The following NSD2 variants were observed in gnomAD, a reference collection of about 807,000 sequenced individuals.
NSD2 encodes the protein nuclear receptor binding SET domain protein 2.
NSD2 carries 12 observed loss-of-function variants against 139.0 expected under a neutral mutation model. That is an observed-to-expected ratio of 0.09 (90% CI 0.06 to 0.14). NSD2 has a LOEUF of 0.14. Among genes scored for constraint, NSD2 ranks in the 10% least tolerant of loss-of-function variants. The pLI, the probability that NSD2 is intolerant of heterozygous loss-of-function variation, is 1.00. For synonymous variants in NSD2, 669 were observed against 648.7 expected (o/e 1.03, Z -0.48); for missense variants, 1,155 against 1,745.0 (o/e 0.66, Z 6.02).
intron 3 of NSD2, among the ~76,000 whole-genome samples, chr4:1,906,792 C>T (rs1717974999): frequency 6.6e-6 from 1 of 151,288 alleles, no homozygotes; most frequent in Non-Finnish European, 1.5e-5. Flanking sequence ...TCCTGAGTAG[C>T]TGGGATTATA....
intron 1 of NSD2, among the ~76,000 whole-genome samples, chr4:1,893,094 T>C (rs149121499): frequency 1.4e-3 from 212 of 152,324 alleles, no homozygotes; most frequent in African/African-American, 4.7e-3. Context: ...ATCCCCAGGT[T>C]TGACATCTCT....
Position 1,975,297 on chromosome 4 carries a change from C to T in NSD2, c.3518C>T (p.Thr1173Met), listed in dbSNP as rs201530243. The T allele has an allele frequency of 4.9e-5, 79 of 1,613,976 alleles. No homozygotes were observed. The highest frequency in any genetic ancestry group is 6.0e-5 in the Non-Finnish European group (71 of 1,180,010). Residue 1173 changes from threonine to methionine, a missense_variant, in exon 20 of 22, where the codon ACG becomes ATG. By Grantham distance (81) the Thr-to-Met change is moderately conservative. Transcript: ENST00000508803. ...LFAVCDIPAG[T>M]ELTFNYNLDC... ...TGTCTGTCTCCTCTTCTCCCAGGGA[C>T]GGAGCTGACTTTTAACTACAACCTC...
rs1724739345 is a variant in NSD2, at chr4:1,955,650, T to C, written c.2519-43T>C. On this transcript the variant is annotated intron_variant, in intron 13 of 21. Transcript: ENST00000508803. The surrounding 1 kb of genome is among the most constrained non-coding windows in gnomAD (Gnocchi z 4.7). Reference sequence around the variant, plus strand: ...GAAGCACTGAATCTGGGCTGAGCCATAGCAGACAGGCTAAGCCTGGCCGCC... The same window carrying C: ...GAAGCACTGAATCTGGGCTGAGCCACAGCAGACAGGCTAAGCCTGGCCGCC... 1 of 1,577,094 alleles carries C rather than the reference T, an allele frequency of 6.3e-7. No homozygotes were observed.
intron 6 of NSD2, among the ~76,000 whole-genome samples, chr4:1,934,906 TATAAAA>T (rs1722198544): frequency 1.0e-5 from 1 of 98,986 alleles, no homozygotes; most frequent in African/African-American, 3.9e-5. Context: ...TATATATATA[TATAAAA>T]AACAGATAAA....
intron 9 of NSD2, chr4:1,944,280 A>G (rs1723396421): frequency 1.9e-6 from 2 of 1,066,200 alleles, no homozygotes; most frequent in African/African-American, 3.3e-5. Context: ...AGGTGGGTGG[A>G]AACGGCTCTT....
chr4:1,918,709 T>C, intron 5 of NSD2, 86 bp downstream of exon 5: 1 of 1,526,264 alleles, frequency 6.6e-7, no homozygotes, highest in Non-Finnish European at 8.8e-7. Flanking sequence ...TTCTCAGCAT[T>C]ATCAGGAGAC....
chr4:1,977,409 A>T (rs1467273923), intron 21 of NSD2, among the ~76,000 whole-genome samples: 1 of 152,228 alleles, frequency 6.6e-6, no homozygotes, highest in African/African-American at 2.4e-5. Flanking sequence ...ACAATCTTGC[A>T]GTGTGTCGCC....
At chr4:1,888,349 G>A (rs1715271389) in intron 1 of NSD2, among the ~76,000 whole-genome samples, 1 of 147,682 alleles carries the variant, frequency 6.8e-6, no homozygotes, top group African/African-American at 2.5e-5. Flanking sequence ...GGAGGCAGAG[G>A]TTGCAGTGAG....
chr4:1,914,446 C>T (rs142545380), intron 3 of NSD2, among the ~76,000 whole-genome samples: 20 of 152,262 alleles, frequency 1.3e-4, no homozygotes, highest in African/African-American at 4.3e-4. Context: ...CCGCCTCAGC[C>T]TCCTGAGTAG....
intron 5 of NSD2, among the ~76,000 whole-genome samples, chr4:1,925,780 TTG>T (rs1560666229): frequency 0.014 from 1,957 of 144,056 alleles, 49 homozygotes; most frequent in African/African-American, 0.052. Flanking sequence ...ATATTTTTTT[TTG>T]TTTGTTTGTT....
rs866116930 is a variant in NSD2, at chr4:1,888,901, A to T, written c.-29-11725A>T. Among the ~76,000 whole-genome samples, 676 of 118,912 alleles carry T rather than the reference A, an allele frequency of 5.7e-3. 2 individuals carry two copies. Among genetic ancestry groups the T allele is most frequent in the Middle Eastern group, 0.014 (2 of 144 alleles). The allele number at this position is 118,912 out of a possible 152,430, so 78.0% of individuals were successfully genotyped here. On this transcript the variant is annotated intron_variant, in intron 1 of 21. Coordinates refer to ENST00000508803, the MANE Select transcript of NSD2 (RefSeq NM_001042424.3). ...TTTTGAGCTTCCCATGTATATTAGT[A>T]TTTTTTTTTTTTTTTTGAGACAGTC...
Position 1,881,331 on chromosome 4 carries a change from C to T in NSD2, c.-30+9789C>T, listed in dbSNP as rs190598099. On this transcript the variant is annotated intron_variant, in intron 1 of 21. Coordinates refer to ENST00000508803, the MANE Select transcript of NSD2 (RefSeq NM_001042424.3). Reference sequence around the variant, plus strand: ...AGGCTGGAGTGCAGTGGCGCGATCTCGGCTCACTGCAACCTCCGCCTCCTG... The same window carrying T: ...AGGCTGGAGTGCAGTGGCGCGATCTTGGCTCACTGCAACCTCCGCCTCCTG... Among the ~76,000 whole-genome samples, 10 of 152,248 alleles carry T rather than the reference C, an allele frequency of 6.6e-5. No homozygotes were observed. In the East Asian group the frequency reaches 1.2e-3, roughly 18 times the overall value.
chr4:1,919,611 AAATCT>A (rs1560646108), intron 5 of NSD2, among the ~76,000 whole-genome samples: 1 of 152,076 alleles, frequency 6.6e-6, no homozygotes, highest in African/African-American at 2.4e-5. Flanking sequence ...TCAGTAGTCT[AAATCT>A]ATGTGGTGAT....
At position 1,942,638 on chromosome 4, in the gene NSD2, G is replaced by A; in HGVS notation, c.1881+2860G>A. 5.0e-6 allele frequency: 6 copies of A among 1,207,856 alleles called. No individual in the cohort carries two copies. In the South Asian group the frequency reaches 1.5e-4, roughly 31 times the overall value. The allele number at this position is 1,207,856 out of a possible 1,614,324, so 74.8% of individuals were successfully genotyped here. ...ATAGAAACACGTTCATATTCCAGTG[G>A]TCAATGTAGATTTCAAGTTGAAAGG... On this transcript the variant is annotated intron_variant, in intron 9 of 21. Transcript: ENST00000508803. This position sits in a 1 kb window ranked among gnomAD's most constrained non-coding sequence, Gnocchi z 4.0.
intron 1 of NSD2, among the ~76,000 whole-genome samples, chr4:1,883,669 C>T (rs1265811621): frequency 2.0e-5 from 3 of 151,572 alleles, no homozygotes; most frequent in African/African-American, 7.3e-5. Flanking sequence ...CTCCGCTCTG[C>T]TGATCCCACC....
At position 1,958,233 on chromosome 4, in the gene NSD2, C is replaced by T. The variant is rs1725026377; in HGVS notation, c.2985+197C>T. The stretch of plus-strand genomic sequence containing the variant: ...ATCTGCATGGGGGTTCTTGGATCCG[C>T]CTTGGAGTGTGAGGCTTGGCTTGGT... On this transcript the variant is annotated intron_variant, in intron 16 of 21. Coordinates refer to ENST00000508803, the MANE Select transcript of NSD2 (RefSeq NM_001042424.3). This position sits in a 1 kb window ranked among gnomAD's most constrained non-coding sequence, Gnocchi z 4.6. 6.6e-6 allele frequency among the ~76,000 whole-genome samples: 1 copy of T among 152,140 alleles called. No homozygotes were observed.
rs377599152 is a variant in NSD2, at chr4:1,942,381, G to T, written c.1881+2603G>T. 3.7e-6 allele frequency: 6 copies of T among 1,613,818 alleles called. No individual in the cohort carries two copies. The African/African-American group carries it at 8.0e-5, about 22-fold the overall frequency. ...ACCAGTCAAGTTGGATTTGAACCCA[G>T]CTGCTCTGTACTGCACTTAGAATGA... On this transcript the variant is annotated intron_variant, in intron 9 of 21. Transcript: ENST00000508803. This position sits in a 1 kb window ranked among gnomAD's most constrained non-coding sequence, Gnocchi z 4.0.
At chr4:1,977,757 A>G (rs1382673491) in intron 21 of NSD2, among the ~76,000 whole-genome samples, 1 of 148,398 alleles carries the variant, frequency 6.7e-6, no homozygotes, top group African/African-American at 2.5e-5. Context: ...GCACCATTGC[A>G]CTCCAGCCTG....
intron 6 of NSD2, among the ~76,000 whole-genome samples, chr4:1,931,271 A>G (rs1226088974): frequency 6.6e-6 from 1 of 152,186 alleles, no homozygotes; most frequent in Non-Finnish European, 1.5e-5. Context: ...CTGAGAGCTC[A>G]TAGGGCAAGA....
Sources: gnomAD v4.1 joint callset for allele counts (sites outside exome capture counted in the v4.1 genomes callset) on GRCh38, gnomAD v4.1.1 for gene constraint, Gnocchi (gnomAD v3.1) non-coding constraint, MANE v1.5 for transcripts, NCBI Gene and HGNC (gene_info 2026-07-23, HGNC 2026-07-21) for gene names.